Variants in DENND4C observed in about 807,000 individuals in gnomAD.
DENND4C encodes DENN domain containing 4C.
Under a neutral mutation model 203.0 loss-of-function variants are expected in DENND4C, and 108 were observed. The ratio of observed to expected loss-of-function variants is 0.53; its 90% CI spans 0.46 to 0.62. DENND4C has a LOEUF of 0.62. Among genes scored for constraint, DENND4C ranks in the 20% least tolerant of loss-of-function variants. DENND4C has a pLI of 0.00. For missense variants in DENND4C, 2,481 were observed against 2,301.2 expected, an observed-to-expected ratio of 1.08 and a Z score of -1.60; for synonymous variants, 871 against 792.4, an observed-to-expected ratio of 1.10 and a Z score of -1.67.
chr9:19,326,407 T>TAA (rs1389315937), intron 15 of DENND4C, among the ~76,000 whole-genome samples: 3 of 152,124 alleles, frequency 2.0e-5, no homozygotes, highest in African/African-American at 7.2e-5. Context: ...TACCTTAGTG[T>TAA]TTGTATTTTA....
In DENND4C at chr9:19,295,331, C is replaced by T. The variant is rs537858000; in HGVS notation, c.802-677C>T. ...CCATCCTGGCTAACACGGTGAAACC[C>T]TGTCTCTACTAAAAATACAAAAAAT... On this transcript the variant is annotated intron_variant, in intron 5 of 32. Coordinates refer to ENST00000434457, the MANE Select transcript of DENND4C (RefSeq NM_001330640.2). 3.9e-5 allele frequency among the ~76,000 whole-genome samples: 6 copies of T among 152,270 alleles called. No individual in the cohort carries two copies. The East Asian group carries it at 9.7e-4, about 25-fold the overall frequency.
In DENND4C at chr9:19,335,066, G is replaced by T; in HGVS notation, c.2550G>T (p.Arg850Ser). Reference protein sequence around the residue: ...VRVLFEMKTARIKPNAITYGY... With the variant: ...VRVLFEMKTASIKPNAITYGY... ...TCTTATTTGAAATGAAAACTGCTAG[G>T]ATAAAGCCTAATGCTATTACTTATG... is the stretch of plus-strand genomic sequence containing the variant. Residue 850 changes from arginine to serine, a missense_variant, in exon 18 of 33, where the codon AGG becomes AGT. Physicochemically the swap from Arg to Ser is moderately radical, Grantham distance 110 (BLOSUM62 -1). Around this residue, in one of 3 missense-constraint regions of DENND4C, gnomAD observed 2,289 missense variants for 2,113.3 expected, o/e 1.08. Coordinates refer to ENST00000434457, the MANE Select transcript of DENND4C (RefSeq NM_001330640.2). 6.2e-7 allele frequency: 1 copy of T among 1,612,222 alleles called. No homozygotes were observed. Among genetic ancestry groups the T allele is most frequent in the Non-Finnish European group, 8.5e-7 (1 of 1,179,008 alleles).
In DENND4C at chr9:19,337,814, T is replaced by C. The variant is rs138006873; in HGVS notation, c.2881+982T>C. ...TCCTTCAGATAAATGTAATCATATA[T>C]AGACTCTTGAAAATATCCAGCTAAC... is the stretch of plus-strand genomic sequence containing the variant. On this transcript the variant is annotated intron_variant, in intron 20 of 32. Transcript: ENST00000434457. 3 of 358,402 alleles carry C rather than the reference T, an allele frequency of 8.4e-6. No individual in the cohort carries two copies. In the East Asian group the frequency reaches 2.5e-4, roughly 30 times the overall value. 22.2% of individuals were successfully genotyped at this position (358,402 alleles called of 1,614,324 possible).
At chr9:19,256,162 G>A (rs1827869389) in intron 1 of DENND4C, among the ~76,000 whole-genome samples, 1 of 151,458 alleles carries the variant, frequency 6.6e-6, no homozygotes, top group Admixed American at 6.6e-5. Flanking sequence ...GTTATACAAA[G>A]TACATTCTCT....
intron 1 of DENND4C, among the ~76,000 whole-genome samples, chr9:19,242,360 G>A (rs185568818): frequency 8.3e-4 from 126 of 152,262 alleles, no homozygotes; most frequent in African/African-American, 3.0e-3. Flanking sequence ...TGGTGATTAC[G>A]AATAAAGCTG....
At position 19,263,657 on chromosome 9, in the gene DENND4C, AT is replaced by A. The variant is rs111309104; in HGVS notation, c.-17-12487del. The stretch of plus-strand genomic sequence containing the variant: ...GATAGTGGCCTGTAATTTTCTTCCC[AT>A]TTTTTTTTTTTTTAAGACAGAATCT... On this transcript the variant is annotated intron_variant, in intron 1 of 32. Transcript: ENST00000434457. Among the ~76,000 whole-genome samples the A allele has an allele frequency of 1.0e-2, 985 of 98,974 alleles. 5 individuals carry two copies. The highest frequency in any genetic ancestry group is 0.048 in the Middle Eastern group (6 of 126). The allele number at this position is 98,974 out of a possible 152,430, so 64.9% of individuals were successfully genotyped here. A position where few individuals can be genotyped will look rare whatever the true frequency, so the allele number is the denominator to read the frequency against.
chr9:19,275,620 C>T lies in DENND4C; in HGVS notation c.-17-538C>T, dbSNP rs779480929. 4.5e-4 allele frequency among the ~76,000 whole-genome samples: 69 copies of T among 151,858 alleles called. 1 individual carries two copies. Among genetic ancestry groups the T allele is most frequent in the Non-Finnish European group, 1.5e-4 (10 of 67,938 alleles). Reference sequence around the variant, plus strand: ...CGGGTAGCTGGGATTATAGGCGCCCCCCACCAGGCTCAGCTAAATTTTTGT... The same window carrying T: ...CGGGTAGCTGGGATTATAGGCGCCCTCCACCAGGCTCAGCTAAATTTTTGT... On this transcript the variant is annotated intron_variant, in intron 1 of 32. Transcript: ENST00000434457.
At chr9:19,241,866 A>G (rs1356078555) in intron 1 of DENND4C, among the ~76,000 whole-genome samples, 3 of 147,064 alleles carry the variant, frequency 2.0e-5, no homozygotes, top group Non-Finnish European at 3.0e-5. Flanking sequence ...AAAAAAAGTA[A>G]GTAGAAGGAG....
At chr9:19,365,765 C>G (rs1275651301) in intron 30 of DENND4C, among the ~76,000 whole-genome samples, 1 of 117,636 alleles carries the variant, frequency 8.5e-6, no homozygotes, top group African/African-American at 2.8e-5. Context: ...GAGAAATCAA[C>G]TATTTCTATA....
chr9:19,317,127 G>T (rs2131564700), intron 12 of DENND4C, among the ~76,000 whole-genome samples: 1 of 151,608 alleles, frequency 6.6e-6, no homozygotes, highest in South Asian at 2.1e-4. Context: ...AACATAACTG[G>T]AGATTTGCCT....
chr9:19,278,796 G>A (rs1833431315), intron 2 of DENND4C, among the ~76,000 whole-genome samples: 1 of 152,076 alleles, frequency 6.6e-6, no homozygotes, highest in Non-Finnish European at 1.5e-5. Context: ...GGGTCATTGA[G>A]CATATGAGCC....
chr9:19,331,969 T>C lies in DENND4C; in HGVS notation c.2254-9T>C, dbSNP rs1588937275. On this transcript the variant is annotated splice_polypyrimidine_tract_variant and intron_variant, in intron 16 of 32. Coordinates refer to ENST00000434457, the MANE Select transcript of DENND4C (RefSeq NM_001330640.2). ...TAGTAAATATCATAATATTTTATTCTCTTTCTAGGAAATAAAAACAGCTCA... is the reference window on the plus strand; with the variant it reads ...TAGTAAATATCATAATATTTTATTCCCTTTCTAGGAAATAAAAACAGCTCA... 1.9e-6 allele frequency: 3 copies of C among 1,606,346 alleles called. No homozygotes were observed. The East Asian group carries it at 6.7e-5, about 36-fold the overall frequency.
intron 18 of DENND4C, 49 bp from the exon 19 acceptor site, chr9:19,336,221 A>G (rs985966209): frequency 1.3e-6 from 2 of 1,563,040 alleles, no homozygotes; most frequent in African/African-American, 2.7e-5. Context: ...GTATTTTTAA[A>G]ATCAGATATT....
intron 10 of DENND4C, among the ~76,000 whole-genome samples, chr9:19,310,191 A>G (rs1367993310): frequency 2.6e-5 from 4 of 152,198 alleles, no homozygotes; most frequent in African/African-American, 9.7e-5. Flanking sequence ...TTCTGCCTAT[A>G]AACATCACAT....
chr9:19,357,771 C>A, intron 27 of DENND4C, 194 bp from the exon 28 acceptor site: 1 of 473,446 alleles, frequency 2.1e-6, no homozygotes, highest in Non-Finnish European at 3.7e-6. Flanking sequence ...CTCACCAGAA[C>A]CATCTACTCC....
intron 5 of DENND4C, chr9:19,292,337 G>C (rs944127490): frequency 6.6e-6 from 1 of 151,642 alleles, no homozygotes; most frequent in East Asian, 2.0e-4. Context: ...GGCCTATCCC[G>C]CCTCTTATTA....
intron 10 of DENND4C, among the ~76,000 whole-genome samples, chr9:19,309,677 A>G (rs1282081968): frequency 2.6e-5 from 4 of 151,636 alleles, no homozygotes; most frequent in South Asian, 2.1e-4. Flanking sequence ...TTTTAATACC[A>G]TCTTATTAAG....
intron 1 of DENND4C, among the ~76,000 whole-genome samples, chr9:19,270,062 C>T (rs1831312210): frequency 6.6e-6 from 1 of 152,054 alleles, no homozygotes; most frequent in South Asian, 2.1e-4. Context: ...GCCAGTATTC[C>T]CTGGATTACC....
intron 1 of DENND4C, among the ~76,000 whole-genome samples, chr9:19,234,622 G>A (rs1019333550): frequency 1.6e-4 from 23 of 143,764 alleles, no homozygotes; most frequent in Admixed American, 1.5e-3. Context: ...TCTACCTCCC[G>A]GGTTCATGTA....
Sources: allele counts gnomAD v4.1 joint callset (sites outside exome capture counted in the v4.1 genomes callset), GRCh38; gene constraint gnomAD v4.1.1; regional missense constraint gnomAD v4.1.1; transcripts MANE v1.5; gene names NCBI Gene and HGNC (gene_info 2026-07-23, HGNC 2026-07-21).